Variants in CRLF2 observed in about 807,000 individuals in gnomAD.
The protein encoded by CRLF2 is cytokine receptor-like factor 2.
In CRLF2, 41 loss-of-function variants were observed where a neutral mutation model predicts 38.7. The observed-to-expected ratio is 1.06, with a 90% confidence interval of 0.83 to 1.37. The LOEUF (loss-of-function observed/expected upper bound fraction) is 1.37. CRLF2 is among the 40% of genes most tolerant of loss of function. The probability of loss-of-function intolerance (pLI) is 0.00; values close to 1 mark genes in which losing one functional copy is unlikely to be tolerated. For synonymous variants in CRLF2, 140 were observed against 128.8 expected, an observed-to-expected ratio of 1.09 and a Z score of -0.59; for missense variants, 377 against 322.2, an observed-to-expected ratio of 1.17 and a Z score of -1.30.
At chrX:1,208,946 A>G (rs1293322958) in intron 1 of CRLF2, 38 bp from the exon 2 acceptor site, 2 of 1,118,404 alleles carry the variant, frequency 1.8e-6, no homozygotes, top group Non-Finnish European at 1.3e-6. Context: ...ACGGTGAGGC[A>G]ACTCTATTTT....
intron 2 of CRLF2, among the ~76,000 whole-genome samples, chrX:1,206,805 G>A (rs1208933236): frequency 2.0e-5 from 3 of 151,490 alleles, no homozygotes; most frequent in African/African-American, 7.3e-5. Context: ...ACCATATACA[G>A]CTAATTTTTG....
chrX:1,210,733 G>C (rs2086782405), intron 1 of CRLF2, among the ~76,000 whole-genome samples: 1 of 152,080 alleles, frequency 6.6e-6, no homozygotes, highest in South Asian at 2.1e-4. Flanking sequence ...ATAGATAAAT[G>C]GTAATGTTAG....
chrX:1,209,500 T>A (rs1180463467), intron 1 of CRLF2, among the ~76,000 whole-genome samples: 3 of 150,592 alleles, frequency 2.0e-5, no homozygotes, highest in Non-Finnish European at 3.0e-5. Flanking sequence ...CCTGGATAAT[T>A]TTTTGTACTT....
rs1440731052 is a variant in CRLF2 at position 1,210,131 on chromosome X, G to GAA, written c.80-1225_80-1224dup. Among the ~76,000 whole-genome samples the GAA allele has an allele frequency of 7.5e-4, 60 of 79,560 alleles. 1 individual carries two copies. Among genetic ancestry groups the GAA allele is most frequent in the Non-Finnish European group, 1.6e-3 (52 of 32,492 alleles). 52.2% of individuals were successfully genotyped at this position (79,560 alleles called of 152,430 possible). On this transcript the variant is annotated intron_variant, in intron 1 of 7. Coordinates refer to ENST00000400841, the MANE Select transcript of CRLF2 (RefSeq NM_022148.4). ...AAAAAAAAAAGAAAAGAAAAGAAAA[G>GAA]AAAAGAAAAGAAAAGAAATGGGCCA...
At chrX:1,201,264 CTG>C (rs1351395320) in intron 4 of CRLF2, among the ~76,000 whole-genome samples, 9 of 141,252 alleles carry the variant, frequency 6.4e-5, no homozygotes, top group African/African-American at 2.0e-4. Context: ...CAGCACATGA[CTG>C]TGTGTGTGTG....
chrX:1,198,428 C>T, intron 5 of CRLF2, 134 bp downstream of exon 5: 4 of 602,736 alleles, frequency 6.6e-6, no homozygotes, highest in South Asian at 4.0e-5. Context: ...CTCCCACCTC[C>T]CAGGAAGGCA....
intron 5 of CRLF2, 148 bp downstream of exon 5, chrX:1,198,414 C>A (rs2086536457): frequency 1.5e-6 from 1 of 646,154 alleles, no homozygotes; most frequent in East Asian, 2.8e-5. Flanking sequence ...GCAGGACACC[C>A]TCCCTCCCAC....
At chrX:1,200,312 CAT>C (rs1177832953) in intron 4 of CRLF2, among the ~76,000 whole-genome samples, 2 of 111,340 alleles carry the variant, frequency 1.8e-5, no homozygotes, top group African/African-American at 3.0e-5. Context: ...AAGCTGTGCA[CAT>C]ATGTGTGTAT....
chrX:1,206,749 TCTC>T (rs1401612102), intron 2 of CRLF2, 150 bp from the exon 3 acceptor site: 10 of 695,918 alleles, frequency 1.4e-5, no homozygotes, highest in Non-Finnish European at 2.0e-5. Flanking sequence ...TTCAAGCAAT[TCTC>T]CTGTCTCAGC....
intron 7 of CRLF2, among the ~76,000 whole-genome samples, 186 bp from the exon 8 acceptor site, chrX:1,191,346 C>CTTTCTTTCTTTCTTTCTTTCT (rs1491422134): frequency 4.5e-5 from 2 of 44,702 alleles, no homozygotes; most frequent in East Asian, 6.9e-4. Flanking sequence ...TCTTTCTTTC[C>CTTTCTTTCTTTCTTTCTTTCT]TTCTTTCTTT....
At chrX:1,192,213 A>AAAAC (rs1556416128) in intron 7 of CRLF2, among the ~76,000 whole-genome samples, 13 of 137,554 alleles carry the variant, frequency 9.5e-5, no homozygotes, top group African/African-American at 2.8e-4. Flanking sequence ...TCAAAAAAAA[A>AAAAC]AAAAAAACAA....
chrX:1,209,747 A>G (rs186984633), intron 1 of CRLF2, among the ~76,000 whole-genome samples: 9 of 152,214 alleles, frequency 5.9e-5, no homozygotes, highest in African/African-American at 2.2e-4. Context: ...CTAAGGTGGC[A>G]TCGGAAACTG....
chrX:1,191,984 T>C (rs2086389100), intron 7 of CRLF2, among the ~76,000 whole-genome samples: 1 of 141,498 alleles, frequency 7.1e-6, no homozygotes, highest in East Asian at 2.3e-4. Context: ...GGTGGGTGGA[T>C]CATGAGGTGA....
chrX:1,206,680 T>G, intron 2 of CRLF2, 81 bp from the exon 3 acceptor site: 1 of 1,421,974 alleles, frequency 7.0e-7, no homozygotes, highest in South Asian at 1.2e-5. Flanking sequence ...CTTGCTCTTG[T>G]CGCCCAGGTT....
Position 1,200,273 on chromosome X carries a change from CAT to C in CRLF2, c.484-1551_484-1550del, listed in dbSNP as rs2086578398. On this transcript the variant is annotated intron_variant, in intron 4 of 7. Transcript: ENST00000400841. ...GTATATAAGCTGTGTATATAAGGTG[CAT>C]ATATATGTGTATATATACGTGTATA... 2.7e-5 allele frequency among the ~76,000 whole-genome samples: 4 copies of C among 149,944 alleles called. No homozygotes were observed. In the South Asian group the frequency reaches 8.4e-4, roughly 31 times the overall value.
intron 6 of CRLF2, among the ~76,000 whole-genome samples, chrX:1,196,218 C>T (rs111163209): frequency 0.17 from 24,365 of 140,316 alleles, 2,281 homozygotes; most frequent in Non-Finnish European, 0.21. Flanking sequence ...GACAGAGTCT[C>T]GCTCTGTCGC....
chrX:1,203,281 G>A (rs2086640841), intron 3 of CRLF2, among the ~76,000 whole-genome samples: 1 of 152,040 alleles, frequency 6.6e-6, no homozygotes, highest in African/African-American at 2.4e-5. Flanking sequence ...TGGAGACGGA[G>A]GCAGAGACTG....
chrX:1,201,676 A>G (rs1187729111), intron 4 of CRLF2, among the ~76,000 whole-genome samples: 1 of 151,992 alleles, frequency 6.6e-6, no homozygotes, highest in East Asian at 1.9e-4. Flanking sequence ...CAGACAGATG[A>G]TACAGAGTAG....
At position 1,212,418 on chromosome X, in the gene CRLF2, GAAAAAAA is replaced by G. The variant is rs369256719; in HGVS notation, c.79+131_79+137del. The G allele has an allele frequency of 2.5e-4, 107 of 430,826 alleles. 1 individual carries two copies. The highest frequency in any genetic ancestry group is 3.6e-4 in the South Asian group (10 of 28,150). 26.7% of individuals were successfully genotyped at this position (430,826 alleles called of 1,614,324 possible). ...GAGGCAGGAGAATTGCTTGAACCCG[GAAAAAAA>G]AAAAAAAAAAAAAGAAAAGAAGAAA... On this transcript the variant is annotated intron_variant, in intron 1 of 7. Transcript: ENST00000400841.
Sources: gnomAD v4.1 joint callset for allele counts (sites outside exome capture counted in the v4.1 genomes callset) on GRCh38, gnomAD v4.1.1 for gene constraint, MANE v1.5 for transcripts, NCBI Gene and HGNC (gene_info 2026-07-23, HGNC 2026-07-21) for gene names.